VDAC1: variants seen among roughly 807,000 people sequenced by gnomAD.
VDAC1 encodes non-selective voltage-gated ion channel VDAC1.
A neutral mutation model predicts 34.7 loss-of-function variants in VDAC1; 10 were observed. That is an observed-to-expected ratio of 0.29 (90% CI 0.18 to 0.49). The LOEUF (loss-of-function observed/expected upper bound fraction) is 0.49, where lower values mean the gene tolerates loss of function less well. VDAC1 is among the 20% of genes least tolerant of loss of function. The pLI is 0.99. For missense variants in VDAC1, 230 were observed against 347.9 expected (o/e 0.66, Z 2.69); for synonymous variants, 130 against 136.0 (o/e 0.96, Z 0.30).
the VDAC1 span, among the ~76,000 whole-genome samples, chr5:134,013,819 G>A: frequency 5.9e-5 from 9 of 152,110 alleles, no homozygotes; most frequent in Non-Finnish European, 8.8e-5. Context: ...GCGGGCACCT[G>A]TAATCCCAGC....
chr5:134,065,159 T>C, the VDAC1 span, among the ~76,000 whole-genome samples: 1 of 152,066 alleles, frequency 6.6e-6, no homozygotes, highest in African/African-American at 2.4e-5. Context: ...AGGATATAAA[T>C]TTCTCTCTAA....
At chr5:133,987,958 A>G (rs917157756) in intron 5 of VDAC1, among the ~76,000 whole-genome samples, 1 of 152,206 alleles carries the variant, frequency 6.6e-6, no homozygotes, top group Non-Finnish European at 1.5e-5. Flanking sequence ...ATAAGGAAGC[A>G]TCAGACAAAT....
chr5:134,015,519 C>G, the VDAC1 span, among the ~76,000 whole-genome samples: 1 of 152,190 alleles, frequency 6.6e-6, no homozygotes, highest in Admixed American at 6.5e-5. Context: ...CAGTCTATGG[C>G]ATTTTGTCAT....
At chr5:134,095,808 C>T in the VDAC1 span, among the ~76,000 whole-genome samples, 2 of 152,204 alleles carry the variant, frequency 1.3e-5, no homozygotes, top group Admixed American at 1.3e-4. Flanking sequence ...TCCTCGGTCA[C>T]ACCAGCCCCA....
At chr5:134,104,008 A>G in the VDAC1 span, among the ~76,000 whole-genome samples, 1 of 152,176 alleles carries the variant, frequency 6.6e-6, no homozygotes, top group East Asian at 1.9e-4. Flanking sequence ...CACCAGCCCC[A>G]GGGGCAGATT....
chr5:133,984,403 TCAC>T (rs1171450065), intron 5 of VDAC1, among the ~76,000 whole-genome samples: 1 of 135,816 alleles, frequency 7.4e-6, no homozygotes, highest in Non-Finnish European at 1.5e-5. Context: ...CTATAGGCGC[TCAC>T]CACAATGACC....
intron 6 of VDAC1, 39 bp downstream of exon 6, chr5:133,980,690 C>CA: frequency 7.8e-6 from 3 of 386,740 alleles, no homozygotes; most frequent in Admixed American, 3.0e-5. Context: ...CATGCTCCAA[C>CA]CCCACCCCTC....
At chr5:134,077,703 G>C in the VDAC1 span, among the ~76,000 whole-genome samples, 6 of 152,234 alleles carry the variant, frequency 3.9e-5, no homozygotes, top group African/African-American at 1.2e-4. Context: ...CTGAGGCACA[G>C]AGAAGAGCTA....
intron 1 of VDAC1, among the ~76,000 whole-genome samples, chr5:133,997,499 A>G (rs907852316): frequency 3.3e-5 from 5 of 150,918 alleles, no homozygotes; most frequent in African/African-American, 1.2e-4. Context: ...GGACTTCCAG[A>G]TCAACCTGGC....
the VDAC1 span, among the ~76,000 whole-genome samples, chr5:134,112,686 C>T: frequency 1.1e-4 from 16 of 152,152 alleles, no homozygotes; most frequent in Non-Finnish European, 2.4e-4. Flanking sequence ...TGTCCCACCA[C>T]CATTTTAGTA....
At chr5:134,082,590 T>C in the VDAC1 span, among the ~76,000 whole-genome samples, 1 of 152,174 alleles carries the variant, frequency 6.6e-6, no homozygotes, top group Non-Finnish European at 1.5e-5. Flanking sequence ...TATCTAGGAG[T>C]AGAATGTCTG....
the VDAC1 span, among the ~76,000 whole-genome samples, chr5:134,025,287 T>C: frequency 2.0e-5 from 3 of 151,932 alleles, no homozygotes; most frequent in Non-Finnish European, 4.4e-5. Flanking sequence ...GAGGTTGTGG[T>C]CTCTTTTAAG....
chr5:134,100,271 G>A, the VDAC1 span, among the ~76,000 whole-genome samples: 1 of 152,176 alleles, frequency 6.6e-6, no homozygotes, highest in East Asian at 1.9e-4. Flanking sequence ...ATATTTTTAG[G>A]GCAGAGGAGG....
the VDAC1 span, among the ~76,000 whole-genome samples, chr5:134,012,467 G>A: frequency 6.6e-6 from 1 of 152,172 alleles, no homozygotes; most frequent in African/African-American, 2.4e-5. Flanking sequence ...TTGAAATCCT[G>A]AGTCCCAAGA....
the VDAC1 span, among the ~76,000 whole-genome samples, chr5:134,073,641 T>C: frequency 6.6e-6 from 1 of 152,194 alleles, no homozygotes; most frequent in Admixed American, 6.5e-5. Flanking sequence ...ACAATGTGAA[T>C]GTTCATCAGA....
chr5:133,989,349 T>C (rs907078957), intron 5 of VDAC1: 1 of 150,714 alleles, frequency 6.6e-6, no homozygotes, highest in Non-Finnish European at 1.5e-5. Flanking sequence ...TTTATATGTA[T>C]ATCTTACCAC....
chr5:133,989,657 ACT>A (rs943201143), intron 5 of VDAC1, among the ~76,000 whole-genome samples: 4 of 136,024 alleles, frequency 2.9e-5, no homozygotes, highest in African/African-American at 8.2e-5. Context: ...ACTGCATCCG[ACT>A]CTTTTTTTTT....
In VDAC1 at chr5:133,975,977, T is replaced by G; in HGVS notation, c.596A>C (p.Asn199Thr). 1 of 1,614,036 alleles carries G rather than the reference T, an allele frequency of 6.2e-7. No individual in the cohort carries two copies. The highest frequency in any genetic ancestry group is 8.5e-7 in the Non-Finnish European group (1 of 1,180,014). The stretch of plus-strand genomic sequence containing the variant: ...ATTGACAGCGGTCTCCAACTTCTTG[T>G]TCACTTTCTGGTAAATGGAGCCGCC... ...EFGGSIYQKV[N>T]KKLETAVNLA... The change falls in exon 7 of 9, where the codon AAC (asparagine) becomes ACC (threonine). Residue 199 changes from asparagine to threonine, a missense_variant. Coordinates refer to ENST00000265333, the MANE Select transcript of VDAC1 (RefSeq NM_003374.3).
the VDAC1 span, among the ~76,000 whole-genome samples, chr5:134,031,938 G>A: frequency 6.4e-5 from 9 of 139,568 alleles, no homozygotes; most frequent in South Asian, 2.4e-4. Context: ...GTGACAGAGC[G>A]AGACCCCATC....
Sources: allele counts gnomAD v4.1 joint callset (sites outside exome capture counted in the v4.1 genomes callset), GRCh38; gene constraint gnomAD v4.1.1; transcripts MANE v1.5; gene names NCBI Gene and HGNC (gene_info 2026-07-23, HGNC 2026-07-21).